The following RTL4 variants were observed in gnomAD, a reference collection of about 807,000 sequenced individuals.
RTL4 encodes retrotransposon Gag-like protein 4.
Under a neutral mutation model 5.3 loss-of-function variants are expected in RTL4, and 4 were observed. That is an observed-to-expected ratio of 0.75 (90% CI 0.37 to 1.72). The LOEUF is 1.72. Among genes scored for constraint, RTL4 ranks in the 40% most tolerant of loss-of-function variants. RTL4 has a pLI of 0.04. For synonymous variants in RTL4, 98 were observed against 87.3 expected (o/e 1.12, Z -0.68); for missense variants, 260 against 227.1 (o/e 1.14, Z -0.93).
chrX:112,106,702 A>T, the RTL4 span, among the ~76,000 whole-genome samples: 1 of 111,560 alleles, frequency 9.0e-6, no homozygotes, highest in East Asian at 2.8e-4. Context: ...TTTTGCTAAT[A>T]GCCCTCTAAC....
At chrX:112,137,066 A>G in the RTL4 span, among the ~76,000 whole-genome samples, 1 of 111,912 alleles carries the variant, frequency 8.9e-6, no homozygotes, top group Non-Finnish European at 1.9e-5. Context: ...AACAAAATGT[A>G]AAGGCAAACT....
chrX:112,177,285 G>A, the RTL4 span, among the ~76,000 whole-genome samples: 687 of 111,018 alleles, frequency 6.2e-3, 1 homozygote, highest in African/African-American at 0.022. Flanking sequence ...TAATTTACAT[G>A]TCCACCAACA....
the RTL4 span, among the ~76,000 whole-genome samples, chrX:112,121,510 T>A: frequency 4.5e-5 from 5 of 111,462 alleles, no homozygotes; most frequent in Non-Finnish European, 9.4e-5. Context: ...AAACAGGAGA[T>A]CAGAAGGTTT....
At chrX:112,388,926 T>A in the RTL4 span, among the ~76,000 whole-genome samples, 808 of 111,953 alleles carry the variant, frequency 7.2e-3, 3 homozygotes, top group African/African-American at 0.025. Context: ...ACTGGCATTG[T>A]AGAATGAGTT....
the RTL4 span, among the ~76,000 whole-genome samples, chrX:112,157,070 G>A: frequency 1.6e-4 from 17 of 107,197 alleles, no homozygotes; most frequent in East Asian, 5.0e-3. Context: ...CTGTTTGTGT[G>A]TGTGTGTGTG....
At chrX:112,456,596 G>A in exon 1 of RTL4, 1 of 279,557 alleles carries the variant, frequency 3.6e-6, no homozygotes, top group Non-Finnish European at 6.6e-6. Flanking sequence ...TTGCTGCCTT[G>A]GACAAGGGAC....
At chrX:112,394,720 C>T in the RTL4 span, among the ~76,000 whole-genome samples, 6 of 111,610 alleles carry the variant, frequency 5.4e-5, no homozygotes, top group Admixed American at 9.5e-5. Context: ...TTCATTTGCA[C>T]GCACTTTTAT....
chrX:112,374,060 G>A, the RTL4 span, among the ~76,000 whole-genome samples: 42 of 110,582 alleles, frequency 3.8e-4, no homozygotes, highest in East Asian at 4.8e-3. Flanking sequence ...TATTGCTAAT[G>A]TTTTTGAGTT....
the RTL4 span, among the ~76,000 whole-genome samples, chrX:112,437,085 A>G: frequency 3.6e-5 from 4 of 112,211 alleles, no homozygotes; most frequent in Non-Finnish European, 7.5e-5. Flanking sequence ...TATTAAATTG[A>G]AACATACAGG....
chrX:112,455,318 G>C, exon 1 of RTL4: 1 of 1,211,633 alleles, frequency 8.3e-7, no homozygotes, highest in East Asian at 3.0e-5. Flanking sequence ...GATGAAGAGA[G>C]TGTCACTGAT....
At chrX:112,287,121 C>T in the RTL4 span, among the ~76,000 whole-genome samples, 108 of 111,865 alleles carry the variant, frequency 9.7e-4, 1 homozygote, top group African/African-American at 3.1e-3. Flanking sequence ...TAGTGCCTAG[C>T]GCAGTGCCTG....
the RTL4 span, among the ~76,000 whole-genome samples, chrX:112,365,369 C>G: frequency 9.0e-6 from 1 of 110,742 alleles, no homozygotes; most frequent in African/African-American, 3.3e-5. Flanking sequence ...TGTACTTATA[C>G]TTAATCTTAA....
At chrX:112,161,856 T>C in the RTL4 span, among the ~76,000 whole-genome samples, 1 of 44,323 alleles carries the variant, frequency 2.3e-5, no homozygotes, top group African/African-American at 6.8e-5. Context: ...TTTCTTTCTT[T>C]CTTTCTTTCT....
the RTL4 span, among the ~76,000 whole-genome samples, chrX:112,168,030 C>T: frequency 9.0e-6 from 1 of 111,709 alleles, no homozygotes; most frequent in Non-Finnish European, 1.9e-5. Flanking sequence ...CTGACTGACA[C>T]AAATATTGCA....
chrX:112,345,280 C>T, the RTL4 span, among the ~76,000 whole-genome samples: 1 of 111,089 alleles, frequency 9.0e-6, no homozygotes, highest in Non-Finnish European at 1.9e-5. Context: ...TTAGAACTCT[C>T]AGGACACCTC....
chrX:112,344,339 C>T, the RTL4 span, among the ~76,000 whole-genome samples: 1 of 111,950 alleles, frequency 8.9e-6, no homozygotes, highest in Non-Finnish European at 1.9e-5. Flanking sequence ...AAAGAAGTAC[C>T]TGAAACTGGG....
chrX:112,319,122 T>C, the RTL4 span, among the ~76,000 whole-genome samples: 7 of 112,028 alleles, frequency 6.2e-5, no homozygotes, highest in Non-Finnish European at 1.1e-4. Flanking sequence ...ACTGACGTTG[T>C]AATCAGATTC....
the RTL4 span, among the ~76,000 whole-genome samples, chrX:112,288,533 A>G: frequency 8.9e-6 from 1 of 112,346 alleles, no homozygotes; most frequent in Non-Finnish European, 1.9e-5. Flanking sequence ...CAAAGGTTGT[A>G]AAAGAATGGG....
At chrX:112,371,974 C>T in the RTL4 span, among the ~76,000 whole-genome samples, 1 of 111,794 alleles carries the variant, frequency 8.9e-6, no homozygotes, top group African/African-American at 3.2e-5. Flanking sequence ...AAATAAATTG[C>T]TATTATTTGA....
Sources: allele counts gnomAD v4.1 joint callset (sites outside exome capture counted in the v4.1 genomes callset), GRCh38; gene constraint gnomAD v4.1.1; transcripts MANE v1.5; gene names NCBI Gene and HGNC (gene_info 2026-07-23, HGNC 2026-07-21).